COMMD1: variants seen among roughly 807,000 people sequenced by gnomAD.
The protein encoded by COMMD1 is COMM domain-containing protein 1.
COMMD1 carries 10 observed loss-of-function variants against 17.2 expected under a neutral mutation model. That is an observed-to-expected ratio of 0.58 (90% CI 0.36 to 0.99). The LOEUF is 0.99. COMMD1 is among the 50% of genes least tolerant of loss of function. The probability of loss-of-function intolerance (pLI) is 0.01; values close to 1 mark genes in which losing one functional copy is unlikely to be tolerated. For missense variants in COMMD1, 270 were observed against 231.8 expected (o/e 1.17, Z -1.07); for synonymous variants, 97 against 91.6 (o/e 1.06, Z -0.34).
chr2:62,134,765 G>A (rs1201258963), intron 2 of COMMD1, among the ~76,000 whole-genome samples: 1 of 151,756 alleles, frequency 6.6e-6, no homozygotes, highest in Non-Finnish European at 1.5e-5. Flanking sequence ...AAACAGAGGG[G>A]GAAAAAAATC....
chr2:61,928,661 C>T (rs1670388634), intron 1 of COMMD1: 1 of 152,010 alleles, frequency 6.6e-6, no homozygotes, highest in South Asian at 2.1e-4. Context: ...GGAGAAGGAA[C>T]AAATAAATTT....
intron 1 of COMMD1, among the ~76,000 whole-genome samples, chr2:61,898,552 T>G (rs1291266035): frequency 1.3e-5 from 2 of 152,064 alleles, no homozygotes; most frequent in Non-Finnish European, 2.9e-5. Flanking sequence ...GAAAGTAGAA[T>G]GGAGACAGAG....
chr2:61,987,532 A>G (rs1246656170), intron 1 of COMMD1, among the ~76,000 whole-genome samples: 5 of 152,142 alleles, frequency 3.3e-5, no homozygotes, highest in African/African-American at 1.2e-4. Context: ...TTTCCCAAAT[A>G]AACAGAGTCA....
At chr2:62,042,041 G>A (rs1028985229) in intron 2 of COMMD1, among the ~76,000 whole-genome samples, 1 of 152,160 alleles carries the variant, frequency 6.6e-6, no homozygotes, top group Non-Finnish European at 1.5e-5. Context: ...CTACTGATTG[G>A]CCCATTTTAC....
intron 1 of COMMD1, among the ~76,000 whole-genome samples, chr2:61,933,012 G>A (rs965288120): frequency 3.9e-5 from 6 of 152,092 alleles, no homozygotes; most frequent in Admixed American, 3.9e-4. Context: ...ACAGATTGAA[G>A]GGTAGTATAT....
rs1558556293 is a variant in COMMD1 at position 62,000,856 on chromosome 2, G to A, written c.336G>A (p.Gln112=). Residue 112 remains glutamine (Q), a synonymous_variant, in exon 2 of 3, where the codon CAG becomes CAA. Transcript: ENST00000311832. ...AAATCCGTGAGAGCCTCATGAACCA[G>A]AGCCGCTGGAATAGCGGGCTTCGGG... ...KTKIRESLMN[Q]SRWNSGLRGL... The A allele has an allele frequency of 6.2e-7, 1 of 1,614,144 alleles. No homozygotes were observed. Among genetic ancestry groups the A allele is most frequent in the South Asian group, 1.1e-5 (1 of 91,074 alleles).
At chr2:62,033,759 A>G (rs977396543) in intron 2 of COMMD1, among the ~76,000 whole-genome samples, 6 of 152,104 alleles carry the variant, frequency 3.9e-5, no homozygotes, top group East Asian at 1.9e-4. Flanking sequence ...AAACTCATCA[A>G]ATGGTGTGAC....
chr2:61,951,358 G>A (rs906505540), intron 1 of COMMD1, among the ~76,000 whole-genome samples: 3 of 151,952 alleles, frequency 2.0e-5, no homozygotes, highest in African/African-American at 7.3e-5. Flanking sequence ...TACTTGGGAG[G>A]CTGAGGTACG....
chr2:62,039,672 T>C (rs1038267664), intron 2 of COMMD1, among the ~76,000 whole-genome samples: 1 of 152,232 alleles, frequency 6.6e-6, no homozygotes, highest in African/African-American at 2.4e-5. Flanking sequence ...AAGGAACATA[T>C]ATATCTGCTT....
At chr2:61,978,064 C>T (rs140295289) in intron 1 of COMMD1, among the ~76,000 whole-genome samples, 56 of 150,726 alleles carry the variant, frequency 3.7e-4, no homozygotes, top group African/African-American at 9.8e-4. Flanking sequence ...GAGAGGCTGA[C>T]GCAGGAGGAT....
At chr2:62,022,182 C>A (rs931876795) in intron 2 of COMMD1, among the ~76,000 whole-genome samples, 1 of 151,886 alleles carries the variant, frequency 6.6e-6, no homozygotes, top group African/African-American at 2.4e-5. Context: ...GTGTGGGAAT[C>A]CCAACTGGTG....
chr2:62,044,252 A>G (rs773747930), intron 2 of COMMD1, among the ~76,000 whole-genome samples: 3 of 151,688 alleles, frequency 2.0e-5, no homozygotes, highest in Non-Finnish European at 4.4e-5. Flanking sequence ...TTTACTTTGC[A>G]GATTTACTTA....
chr2:62,084,499 G>A (rs957914590), intron 2 of COMMD1, among the ~76,000 whole-genome samples: 1 of 152,144 alleles, frequency 6.6e-6, no homozygotes, highest in Non-Finnish European at 1.5e-5. Context: ...AGGAAGAAGC[G>A]TTGATCTTGC....
chr2:62,022,086 T>G (rs1196074288), intron 2 of COMMD1, among the ~76,000 whole-genome samples: 1 of 152,210 alleles, frequency 6.6e-6, no homozygotes, highest in Non-Finnish European at 1.5e-5. Flanking sequence ...ATCTTATATT[T>G]AGATTGTTGA....
At chr2:61,992,194 A>G (rs1251289285) in intron 1 of COMMD1, among the ~76,000 whole-genome samples, 1 of 152,210 alleles carries the variant, frequency 6.6e-6, no homozygotes, top group Non-Finnish European at 1.5e-5. Context: ...TAGGTAAGAT[A>G]TTTTAAATGG....
intron 1 of COMMD1, among the ~76,000 whole-genome samples, chr2:61,898,746 G>A (rs1244509026): frequency 1.3e-5 from 2 of 151,914 alleles, no homozygotes; most frequent in African/African-American, 4.8e-5. Context: ...ACAATAGAAA[G>A]GAAACCTGTT....
chr2:61,998,449 A>G (rs1246242935), intron 1 of COMMD1, among the ~76,000 whole-genome samples: 1 of 151,844 alleles, frequency 6.6e-6, no homozygotes, highest in Non-Finnish European at 1.5e-5. Context: ...TAGTAGAGAC[A>G]GGGTTTCACC....
chr2:61,978,035 C>T (rs1671853021), intron 1 of COMMD1, among the ~76,000 whole-genome samples: 1 of 151,518 alleles, frequency 6.6e-6, no homozygotes, highest in African/African-American at 2.4e-5. Flanking sequence ...TGGATCATTC[C>T]ATATAGTCCC....
intron 2 of COMMD1, among the ~76,000 whole-genome samples, chr2:62,129,985 C>T (rs1486281279): frequency 6.6e-6 from 1 of 152,028 alleles, no homozygotes; most frequent in Non-Finnish European, 1.5e-5. Context: ...ATCATCCTGG[C>T]TAACACGGTG....
Sources: gnomAD v4.1 joint callset for allele counts (sites outside exome capture counted in the v4.1 genomes callset) on GRCh38, gnomAD v4.1.1 for gene constraint, MANE v1.5 for transcripts, NCBI Gene and HGNC (gene_info 2026-07-23, HGNC 2026-07-21) for gene names.